The following RARB variants were observed in gnomAD, a reference collection of about 807,000 sequenced individuals.
The protein encoded by RARB is retinoic acid receptor beta, also known as HBV-activated protein.
RARB carries 17 observed loss-of-function variants against 51.9 expected under a neutral mutation model. That is an observed-to-expected ratio of 0.33 (90% CI 0.22 to 0.49). RARB has a LOEUF of 0.49. Among genes scored for constraint, RARB ranks in the 20% least tolerant of loss-of-function variants. The probability of loss-of-function intolerance (pLI) is 0.99; values close to 1 mark genes in which losing one functional copy is unlikely to be tolerated. For missense variants in RARB, 369 were observed against 550.8 expected (o/e 0.67, Z 3.30); for synonymous variants, 215 against 195.4 (o/e 1.10, Z -0.84).
intron 5 of RARB, among the ~76,000 whole-genome samples, chr3:25,202,830 T>G (rs566186423): frequency 6.6e-6 from 1 of 152,246 alleles, no homozygotes; most frequent in Non-Finnish European, 1.5e-5. Flanking sequence ...TCTTTTACTT[T>G]TGCTGAGGAG....
At chr3:25,223,585 A>T (rs571314451) in intron 5 of RARB, among the ~76,000 whole-genome samples, 125 of 152,328 alleles carry the variant, frequency 8.2e-4, no homozygotes, top group African/African-American at 2.8e-3. Flanking sequence ...CTAGCCCAGT[A>T]CCTGCACTTA....
chr3:24,999,513 C>T (rs1325460537), intron 2 of RARB, among the ~76,000 whole-genome samples: 7 of 152,114 alleles, frequency 4.6e-5, no homozygotes, highest in Non-Finnish European at 7.4e-5. Flanking sequence ...CCAATACATA[C>T]TTTTGTACAT....
Position 25,429,013 on chromosome 3 carries a change from G to T in RARB, c.157+125G>T, listed in dbSNP as rs1172186831. On this transcript the variant is annotated intron_variant, in intron 1 of 7. Transcript: ENST00000330688. ...AAGGATTTAATGATTTAATGCTGAA[G>T]GGGTGTGATATGCTGGCATGCATAT... is the stretch of plus-strand genomic sequence containing the variant. The T allele has an allele frequency of 1.4e-5, 17 of 1,231,244 alleles. No homozygotes were observed. The Admixed American group carries it at 4.0e-4, about 29-fold the overall frequency. 76.3% of individuals were successfully genotyped at this position (1,231,244 alleles called of 1,614,324 possible).
At chr3:25,150,345 A>T (rs1241291385) in intron 4 of RARB, among the ~76,000 whole-genome samples, 1 of 152,126 alleles carries the variant, frequency 6.6e-6, no homozygotes, top group Non-Finnish European at 1.5e-5. Flanking sequence ...TTCCCAAGGG[A>T]GAATAAGCCC....
chr3:25,005,502 G>T (rs1697250411), intron 2 of RARB, among the ~76,000 whole-genome samples: 1 of 152,082 alleles, frequency 6.6e-6, no homozygotes, highest in South Asian at 2.1e-4. Context: ...CTCACTACAT[G>T]GGCATCTCTA....
intron 1 of RARB, among the ~76,000 whole-genome samples, chr3:25,453,229 G>A (rs1008586109): frequency 2.0e-5 from 3 of 149,972 alleles, no homozygotes; most frequent in Non-Finnish European, 4.4e-5. Flanking sequence ...TTCTGGGGTG[G>A]GGCCAAGATT....
At chr3:25,556,494 C>T (rs1700065804) in intron 3 of RARB, among the ~76,000 whole-genome samples, 1 of 152,134 alleles carries the variant, frequency 6.6e-6, no homozygotes, top group African/African-American at 2.4e-5. Context: ...ATTCTTGTTA[C>T]CAACACTAAT....
In RARB at chr3:25,119,241, C is replaced by G. The variant is rs183657382; in HGVS notation, c.-327-12920C>G. On this transcript the variant is annotated intron_variant, in intron 3 of 11. Coordinates refer to the RARB transcript ENST00000383772. ...TTTGAACAGGATGCTTGGTTCTGTT[C>G]TATGGTCATCTACTGGCAGTGAGCT... 3.2e-4 allele frequency among the ~76,000 whole-genome samples: 49 copies of G among 152,218 alleles called. 1 individual carries two copies. Among genetic ancestry groups the G allele is most frequent in the African/African-American group, 1.1e-3 (47 of 41,552 alleles).
intron 5 of RARB, among the ~76,000 whole-genome samples, chr3:25,415,136 C>A (rs1207304606): frequency 2.6e-5 from 4 of 152,184 alleles, no homozygotes; most frequent in East Asian, 1.9e-4. Flanking sequence ...CTATTTTTAT[C>A]CTACTGTATG....
intron 2 of RARB, among the ~76,000 whole-genome samples, chr3:24,970,684 C>G (rs1201516600): frequency 1.3e-5 from 2 of 151,510 alleles, no homozygotes; most frequent in African/African-American, 2.4e-5. Flanking sequence ...AGAGGATAGT[C>G]CTTTTAATTG....
intron 5 of RARB, among the ~76,000 whole-genome samples, chr3:25,209,324 G>A (rs1701636958): frequency 6.6e-6 from 1 of 152,172 alleles, no homozygotes; most frequent in Admixed American, 6.5e-5. Flanking sequence ...GGAAGCATGA[G>A]CACCTTTTTA....
At chr3:24,875,386 T>A in intron 2 of RARB, among the ~76,000 whole-genome samples, 1 of 152,172 alleles carries the variant, frequency 6.6e-6, no homozygotes, top group East Asian at 1.9e-4. Context: ...ACTCATTTTT[T>A]AGGATTGCCT....
chr3:25,511,283 C>T (rs990102936), intron 3 of RARB, among the ~76,000 whole-genome samples: 4 of 152,102 alleles, frequency 2.6e-5, no homozygotes, highest in African/African-American at 9.7e-5. Flanking sequence ...CAGGCGCCCG[C>T]CACCACGCTC....
chr3:25,417,033 A>G (rs1707723005), intron 5 of RARB, among the ~76,000 whole-genome samples: 7 of 152,038 alleles, frequency 4.6e-5, no homozygotes, highest in Admixed American at 4.6e-4. Context: ...TTGAAGACAG[A>G]GCTTTGGAGG....
intron 2 of RARB, among the ~76,000 whole-genome samples, chr3:25,046,064 C>T (rs1698207112): frequency 6.6e-6 from 1 of 152,164 alleles, no homozygotes; most frequent in Non-Finnish European, 1.5e-5. Context: ...ATGTAGTCTG[C>T]CCGGCTCTTT....
chr3:25,227,477 C>T (rs1413656841), intron 5 of RARB, among the ~76,000 whole-genome samples: 1 of 151,996 alleles, frequency 6.6e-6, no homozygotes, highest in African/African-American at 2.4e-5. Flanking sequence ...TATATATTTC[C>T]ACAACTATTT....
intron 4 of RARB, among the ~76,000 whole-genome samples, chr3:25,132,392 T>C (rs766869268): frequency 5.3e-5 from 8 of 151,896 alleles, no homozygotes; most frequent in Non-Finnish European, 1.2e-4. Flanking sequence ...GCAGGAGATT[T>C]TAGACACAAG....
intron 4 of RARB, among the ~76,000 whole-genome samples, chr3:25,575,534 C>T (rs1452552146): frequency 6.6e-6 from 1 of 152,108 alleles, no homozygotes; most frequent in African/African-American, 2.4e-5. Context: ...GGGAGAGAGC[C>T]CTTTCTTGCC....
At chr3:24,962,399 A>T (rs1331582611) in intron 2 of RARB, among the ~76,000 whole-genome samples, 2 of 152,158 alleles carry the variant, frequency 1.3e-5, no homozygotes, top group African/African-American at 2.4e-5. Flanking sequence ...ATCAACCCTC[A>T]GTCCTGACAA....
Sources: gnomAD v4.1 joint callset for allele counts (sites outside exome capture counted in the v4.1 genomes callset) on GRCh38, gnomAD v4.1.1 for gene constraint, MANE v1.5 for transcripts, NCBI Gene and HGNC (gene_info 2026-07-23, HGNC 2026-07-21) for gene names.